TTLL1: variants seen among roughly 807,000 people sequenced by gnomAD.
TTLL1 encodes polyglutamylase complex subunit TTLL1.
A neutral mutation model predicts 47.8 loss-of-function variants in TTLL1; 33 were observed. The ratio of observed to expected loss-of-function variants is 0.69; its 90% CI spans 0.52 to 0.92. TTLL1 has a LOEUF of 0.92. Ranked by LOEUF, TTLL1 falls within the 40% of genes least tolerant of loss-of-function variation. The pLI is 0.00. For missense variants in TTLL1, 488 were observed against 547.5 expected, an observed-to-expected ratio of 0.89 and a Z score of 1.08; for synonymous variants, 225 against 214.1, an observed-to-expected ratio of 1.05 and a Z score of -0.45.
At chr22:43,056,176 A>G (rs1269239185) in intron 8 of TTLL1, among the ~76,000 whole-genome samples, 1 of 151,944 alleles carries the variant, frequency 6.6e-6, no homozygotes, top group Admixed American at 6.6e-5. Flanking sequence ...CCTAGCCAAC[A>G]TGGTGAAACC....
chr22:43,083,218 A>G lies in TTLL1; in HGVS notation c.-89-3232T>C, dbSNP rs555054372. 2.0e-5 allele frequency among the ~76,000 whole-genome samples: 3 copies of G among 151,524 alleles called. No individual in the cohort carries two copies. In the South Asian group the frequency reaches 6.3e-4, roughly 32 times the overall value. ...CTTCTCTACTAAAAAAAATACAAAAAATTAGCTAGGCATGGTGGCGGGCGC... is the reference window on the plus strand; with the variant it reads ...CTTCTCTACTAAAAAAAATACAAAAGATTAGCTAGGCATGGTGGCGGGCGC... On this transcript the variant is annotated intron_variant, in intron 1 of 10. Coordinates refer to ENST00000266254, the MANE Select transcript of TTLL1 (RefSeq NM_012263.5).
At chr22:43,086,104 A>C (rs1004534123) in intron 1 of TTLL1, among the ~76,000 whole-genome samples, 1 of 149,682 alleles carries the variant, frequency 6.7e-6, no homozygotes, top group African/African-American at 2.4e-5. Context: ...ACCTGATATC[A>C]GATTGTTTTA....
At chr22:43,074,930 C>T (rs763502548) in intron 3 of TTLL1, among the ~76,000 whole-genome samples, 1 of 152,040 alleles carries the variant, frequency 6.6e-6, no homozygotes, top group Non-Finnish European at 1.5e-5. Flanking sequence ...AATCCCAGCA[C>T]TTTGGGAGGC....
chr22:43,075,179 C>A (rs1158446345), intron 3 of TTLL1, among the ~76,000 whole-genome samples: 1 of 152,066 alleles, frequency 6.6e-6, no homozygotes, highest in Non-Finnish European at 1.5e-5. Flanking sequence ...TCTGGCCCAG[C>A]TATAACGCAC....
At chr22:43,074,235 T>C (rs982447207) in intron 3 of TTLL1, among the ~76,000 whole-genome samples, 2 of 151,438 alleles carry the variant, frequency 1.3e-5, no homozygotes, top group African/African-American at 4.8e-5. Flanking sequence ...GAGACCAGCC[T>C]GACCAACATG....
intron 3 of TTLL1, among the ~76,000 whole-genome samples, chr22:43,072,274 C>A (rs1212614379): frequency 6.6e-6 from 1 of 151,784 alleles, no homozygotes; most frequent in Non-Finnish European, 1.5e-5. Flanking sequence ...CTGTCTCAGC[C>A]TCCCGAGTAG....
chr22:43,088,324 C>CT (rs1167618669), intron 1 of TTLL1, among the ~76,000 whole-genome samples: 12,552 of 56,436 alleles, frequency 0.22, 3,971 homozygotes, highest in Non-Finnish European at 0.3. Flanking sequence ...AAGGGCCCAT[C>CT]TTTTTTTTTT....
chr22:43,046,571 C>G lies in TTLL1; in HGVS notation c.981G>C (p.Val327=). 6.2e-7 allele frequency: 1 copy of G among 1,613,780 alleles called. No homozygotes were observed. Among genetic ancestry groups the G allele is most frequent in the East Asian group, 2.2e-5 (1 of 44,878 alleles). Residue 327 remains valine, a splice_region_variant and synonymous_variant, in exon 10 of 11, where the codon GTG becomes GTC. Coordinates refer to ENST00000266254, the MANE Select transcript of TTLL1 (RefSeq NM_012263.5). Reference sequence around the variant, plus strand: ...TGGACGTGAGAGACGGGGACGCATTCACCTGTGAGATGAAAGACCCATGTT... The same window carrying G: ...TGGACGTGAGAGACGGGGACGCATTGACCTGTGAGATGAAAGACCCATGTT... The part of the protein sequence containing the change: ...DDKLKPWLIE[V]NASPSLTSST...
At chr22:43,068,304 G>C in intron 5 of TTLL1, 106 bp downstream of exon 5, 3 of 999,514 alleles carry the variant, frequency 3.0e-6, no homozygotes, top group Non-Finnish European at 4.2e-6. Flanking sequence ...GCGACAGAGT[G>C]AGACTCTGTC....
At chr22:43,073,322 G>A (rs552315426) in intron 3 of TTLL1, among the ~76,000 whole-genome samples, 5 of 128,118 alleles carry the variant, frequency 3.9e-5, no homozygotes, top group South Asian at 2.6e-4. Context: ...CACTGCGCCC[G>A]GTCTATTTAT....
chr22:43,068,097 A>C (rs1927861061), intron 5 of TTLL1, among the ~76,000 whole-genome samples: 1 of 149,138 alleles, frequency 6.7e-6, no homozygotes, highest in African/African-American at 2.5e-5. Context: ...TACAGGCATG[A>C]GCCACCATGC....
chr22:43,072,472 C>T (rs769820646), intron 3 of TTLL1, among the ~76,000 whole-genome samples: 2 of 151,088 alleles, frequency 1.3e-5, no homozygotes, highest in Non-Finnish European at 3.0e-5. Context: ...TATTTTCTCT[C>T]TTTCTTTCTT....
intron 2 of TTLL1, among the ~76,000 whole-genome samples, 160 bp downstream of exon 2, chr22:43,079,742 C>T (rs1928757436): frequency 6.6e-6 from 1 of 152,206 alleles, no homozygotes; most frequent in South Asian, 2.1e-4. Context: ...AGACCCCAAA[C>T]CTACCGAGGC....
chr22:43,051,693 T>C, intron 9 of TTLL1, 108 bp downstream of exon 9: 1 of 1,031,528 alleles, frequency 9.7e-7, no homozygotes, highest in Non-Finnish European at 1.5e-6. Flanking sequence ...CCTTCCTGCC[T>C]GGCCTGAGAA....
chr22:43,072,908 T>C (rs1928221606), intron 3 of TTLL1, among the ~76,000 whole-genome samples: 1 of 152,166 alleles, frequency 6.6e-6, no homozygotes, highest in South Asian at 2.1e-4. Context: ...CCTGTGGCCA[T>C]CTTTAATCTG....
In TTLL1 at chr22:43,079,442, G is replaced by A. The variant is rs550321801; in HGVS notation, c.-5+460C>T. On this transcript the variant is annotated intron_variant, in intron 2 of 10. Transcript: ENST00000266254. ...CCACACCCCTCACACCCGCAGACACGGGGCCACGCCAATGGCTCAGGGAAC... is the reference window on the plus strand; with the variant it reads ...CCACACCCCTCACACCCGCAGACACAGGGCCACGCCAATGGCTCAGGGAAC... Among the ~76,000 whole-genome samples, 10 of 152,322 alleles carry A rather than the reference G, an allele frequency of 6.6e-5. No homozygotes were observed. In the South Asian group the frequency reaches 1.0e-3, roughly 16 times the overall value.
Position 43,054,726 on chromosome 22 carries a change from T to C in TTLL1, c.892-2839A>G, listed in dbSNP as rs1052581585. 3.3e-3 allele frequency among the ~76,000 whole-genome samples: 471 copies of C among 143,382 alleles called. 5 individuals are homozygous for C. Among genetic ancestry groups the C allele is most frequent in the African/African-American group, 0.011 (438 of 38,548 alleles). The allele number at this position is 143,382 out of a possible 152,430, so 94.1% of individuals were successfully genotyped here. ...AGCATGAGCCACTGCACCTGGCCTT[T>C]TTTTTTTTTTTTTTTTTGAGACGGA... On this transcript the variant is annotated intron_variant, in intron 8 of 10. Transcript: ENST00000266254.
intron 9 of TTLL1, among the ~76,000 whole-genome samples, chr22:43,048,959 C>T (rs1926373884): frequency 6.6e-6 from 1 of 151,630 alleles, no homozygotes; most frequent in Non-Finnish European, 1.5e-5. Flanking sequence ...ATAAAAAATA[C>T]CCAAAACACT....
chr22:43,075,079 C>T (rs989747854), intron 3 of TTLL1, among the ~76,000 whole-genome samples: 3 of 152,158 alleles, frequency 2.0e-5, no homozygotes, highest in African/African-American at 4.8e-5. Context: ...GCAGGAGAAT[C>T]GCTTGAACCC....
Sources: allele counts gnomAD v4.1 joint callset (sites outside exome capture counted in the v4.1 genomes callset), GRCh38; gene constraint gnomAD v4.1.1; transcripts MANE v1.5; gene names NCBI Gene and HGNC (gene_info 2026-07-23, HGNC 2026-07-21).